NPTN: variants seen among roughly 807,000 people sequenced by gnomAD.
NPTN encodes neuroplastin.
A neutral mutation model predicts 42.7 loss-of-function variants in NPTN; 5 were observed. The ratio of observed to expected loss-of-function variants is 0.12; its 90% CI spans 0.06 to 0.25. The LOEUF is 0.25. NPTN is among the 10% of genes least tolerant of loss of function. NPTN has a pLI of 1.00. For synonymous variants in NPTN, 180 were observed against 201.9 expected (o/e 0.89, Z 0.92); for missense variants, 307 against 525.4 (o/e 0.58, Z 4.06).
chr15:73,592,136 C>T lies in NPTN; in HGVS notation c.441G>A (p.Lys147=), dbSNP rs1434832405. ...CCTCTTCACTGGTGACAATCCTTGG[C>T]TCTGTAATAAGAGTGCACAATGATA... ...RAQATISVLQ[K]PRIVTSEEVI... is the part of the protein sequence containing the mutation. The change falls in exon 3 of 9, where the codon AAG becomes AAA. Residue 147 remains lysine (K), a splice_region_variant and synonymous_variant. Transcript: ENST00000345330. 9 of 1,612,540 alleles carry T rather than the reference C, an allele frequency of 5.6e-6. No homozygotes were observed. Among genetic ancestry groups the T allele is most frequent in the Non-Finnish European group, 6.8e-6 (8 of 1,179,090 alleles).
At chr15:73,631,000 G>A (rs1390088628) in intron 1 of NPTN, among the ~76,000 whole-genome samples, 1 of 152,224 alleles carries the variant, frequency 6.6e-6, no homozygotes, top group Non-Finnish European at 1.5e-5. Flanking sequence ...GTCATGTCAT[G>A]TGACTGAATT....
intron 2 of NPTN, among the ~76,000 whole-genome samples, chr15:73,593,944 C>A (rs1022174358): frequency 3.3e-5 from 5 of 152,166 alleles, no homozygotes; most frequent in Middle Eastern, 3.4e-3. Flanking sequence ...AATCCCTGGG[C>A]CTTAAGAAGT....
At chr15:73,611,044 A>G (rs1429957417) in intron 1 of NPTN, among the ~76,000 whole-genome samples, 3 of 152,256 alleles carry the variant, frequency 2.0e-5, no homozygotes, top group African/African-American at 4.8e-5. Flanking sequence ...AACTGCAAAC[A>G]TTCCCACTAC....
Position 73,569,570 on chromosome 15 carries a change from G to A in NPTN, c.1114+580C>T. The A allele has an allele frequency of 2.0e-6, 2 of 985,450 alleles. No homozygotes were observed. The highest frequency in any genetic ancestry group is 2.4e-6 in the Non-Finnish European group (2 of 829,936). 61.0% of individuals were successfully genotyped at this position (985,450 alleles called of 1,614,324 possible). Reference sequence around the variant, plus strand: ...CACAGATGGAAAGCCACCCAGCAGAGAGCGCTGGAAACCTATCAAAGGGAC... The same window carrying A: ...CACAGATGGAAAGCCACCCAGCAGAAAGCGCTGGAAACCTATCAAAGGGAC... On this transcript the variant is annotated intron_variant, in intron 6 of 8. Transcript: ENST00000345330. The surrounding 1 kb of genome is among the most constrained non-coding windows in gnomAD (Gnocchi z 4.1).
chr15:73,578,156 A>G (rs1295815936), intron 4 of NPTN, among the ~76,000 whole-genome samples: 1 of 152,116 alleles, frequency 6.6e-6, no homozygotes, highest in African/African-American at 2.4e-5. Flanking sequence ...GGGGACCCAG[A>G]TTAGACAGGA....
chr15:73,623,871 A>G (rs1898261503), intron 1 of NPTN, among the ~76,000 whole-genome samples: 1 of 152,210 alleles, frequency 6.6e-6, no homozygotes, highest in Admixed American at 6.5e-5. Context: ...GGTTCTGACG[A>G]TGAGTGCAAA....
In NPTN at chr15:73,570,071, A is replaced by G; in HGVS notation, c.1114+79T>C. On this transcript the variant is annotated intron_variant, in intron 6 of 8. Coordinates refer to ENST00000345330, the MANE Select transcript of NPTN (RefSeq NM_012428.4). The surrounding 1 kb of genome is among the most constrained non-coding windows in gnomAD (Gnocchi z 4.0). ...TTAGGGATTGAATCCCAACATCCCT[A>G]TAGTCCTCTTTGGGTACTTGGAAAC... 2.8e-6 allele frequency: 4 copies of G among 1,437,768 alleles called. No homozygotes were observed. Among genetic ancestry groups the G allele is most frequent in the South Asian group, 2.8e-5 (2 of 70,616 alleles). The allele number at this position is 1,437,768 out of a possible 1,614,324, so 89.1% of individuals were successfully genotyped here.
chr15:73,633,062 G>T, intron 1 of NPTN, 63 bp downstream of exon 1: 1 of 1,200,464 alleles, frequency 8.3e-7, no homozygotes, highest in Non-Finnish European at 1.1e-6. Context: ...GGCCAGAGCC[G>T]GGCCCCCTCC....
In NPTN at chr15:73,582,343, G is replaced by A. The variant is rs535369629; in HGVS notation, c.706+5181C>T. Reference sequence around the variant, plus strand: ...TGGACAAAATGAACACTTGGCTGACGGCAGTGGGAGAGTGAAGATTTACTG... The same window carrying A: ...TGGACAAAATGAACACTTGGCTGACAGCAGTGGGAGAGTGAAGATTTACTG... On this transcript the variant is annotated intron_variant, in intron 4 of 8. Coordinates refer to ENST00000345330, the MANE Select transcript of NPTN (RefSeq NM_012428.4). Among the ~76,000 whole-genome samples, 5 of 152,296 alleles carry A rather than the reference G, an allele frequency of 3.3e-5. No homozygotes were observed. The East Asian group carries it at 5.8e-4, about 18-fold the overall frequency.
chr15:73,633,121 T>C lies in NPTN; in HGVS notation c.91+4A>G. ...GCCCGGCCCGCCCCCGGCGCCCCGC[T>C]TACCGTTCTGAGCGGCGCCTGGCCC... On this transcript the variant is annotated splice_donor_region_variant and intron_variant, in intron 1 of 8. Coordinates refer to ENST00000345330, the MANE Select transcript of NPTN (RefSeq NM_012428.4). 6.8e-7 allele frequency: 1 copy of C among 1,465,588 alleles called. No homozygotes were observed. The highest frequency in any genetic ancestry group is 2.9e-5 in the Admixed American group (1 of 34,488). The allele number at this position is 1,465,588 out of a possible 1,614,324, so 90.8% of individuals were successfully genotyped here.
intron 6 of NPTN, chr15:73,563,647 G>T: frequency 1.2e-6 from 1 of 837,794 alleles, no homozygotes; most frequent in Non-Finnish European, 1.4e-6. Context: ...GTTTTCTTGT[G>T]GTGAATGCAT....
chr15:73,584,417 G>C (rs1467839883), intron 4 of NPTN, among the ~76,000 whole-genome samples: 2 of 152,098 alleles, frequency 1.3e-5, no homozygotes, highest in Non-Finnish European at 2.9e-5. Flanking sequence ...GAAAAGGAAG[G>C]AAGGAGAAGA....
At chr15:73,610,289 A>T (rs1897512815) in intron 1 of NPTN, among the ~76,000 whole-genome samples, 2 of 152,136 alleles carry the variant, frequency 1.3e-5, no homozygotes, top group South Asian at 4.1e-4. Flanking sequence ...GGGTCTTGCT[A>T]CGTTTTTTGT....
intron 1 of NPTN, among the ~76,000 whole-genome samples, chr15:73,629,214 G>A (rs1218198592): frequency 1.3e-5 from 2 of 152,190 alleles, no homozygotes; most frequent in Non-Finnish European, 2.9e-5. Context: ...ATTTTAGCCA[G>A]TAGCCTGAGA....
intron 7 of NPTN, among the ~76,000 whole-genome samples, chr15:73,562,662 C>T (rs942342607): frequency 1.3e-5 from 2 of 152,120 alleles, no homozygotes; most frequent in Non-Finnish European, 2.9e-5. Flanking sequence ...CTCTTGGATA[C>T]GAGCAATTGT....
intron 6 of NPTN, chr15:73,568,572 T>C: frequency 1.0e-6 from 1 of 985,380 alleles, no homozygotes; most frequent in African/African-American, 1.7e-5. Context: ...AGTCCTAATA[T>C]GTAGCAGGAA....
intron 2 of NPTN, among the ~76,000 whole-genome samples, chr15:73,595,479 C>T (rs911330322): frequency 1.3e-5 from 2 of 152,182 alleles, no homozygotes; most frequent in African/African-American, 4.8e-5. Context: ...CTACAAAGGA[C>T]TCTTTTTTTA....
At chr15:73,625,614 A>G (rs1315019840) in intron 1 of NPTN, among the ~76,000 whole-genome samples, 2 of 152,170 alleles carry the variant, frequency 1.3e-5, no homozygotes, top group Non-Finnish European at 2.9e-5. Flanking sequence ...TACAGGAGTG[A>G]GCCACCGCGT....
intron 4 of NPTN, 58 bp from the exon 5 acceptor site, chr15:73,573,853 G>A: frequency 6.3e-7 from 1 of 1,584,516 alleles, no homozygotes; most frequent in South Asian, 1.2e-5. Flanking sequence ...AGGATACAAA[G>A]GCCCCACCTT....
Sources: gnomAD v4.1 joint callset for allele counts (sites outside exome capture counted in the v4.1 genomes callset) on GRCh38, gnomAD v4.1.1 for gene constraint, Gnocchi (gnomAD v3.1) non-coding constraint, MANE v1.5 for transcripts, NCBI Gene and HGNC (gene_info 2026-07-23, HGNC 2026-07-21) for gene names.